The following CAPN13 variants were observed in gnomAD, a reference collection of about 807,000 sequenced individuals.
CAPN13 encodes calpain 13, also known as calpain-13.
A neutral mutation model predicts 98.4 loss-of-function variants in CAPN13; 90 were observed. The observed-to-expected ratio is 0.92, with a 90% CI of 0.77 to 1.09. CAPN13 has a LOEUF of 1.09. CAPN13 is among the 50% of genes least tolerant of loss of function. The probability of loss-of-function intolerance (pLI) is 0.00; values close to 1 mark genes in which losing one functional copy is unlikely to be tolerated. For missense variants in CAPN13, 887 were observed against 841.3 expected, an observed-to-expected ratio of 1.05 and a Z score of -0.67; for synonymous variants, 330 against 305.5, an observed-to-expected ratio of 1.08 and a Z score of -0.84.
intron 2 of CAPN13, among the ~76,000 whole-genome samples, chr2:30,784,625 G>A (rs17010273): frequency 0.099 from 15,011 of 152,180 alleles, 2,268 homozygotes; most frequent in African/African-American, 0.33. Context: ...TGACAGGCAG[G>A]AGCCCAGAAT....
chr2:30,785,334 A>C (rs2148069508), intron 2 of CAPN13, among the ~76,000 whole-genome samples: 1 of 152,334 alleles, frequency 6.6e-6, no homozygotes, highest in South Asian at 2.1e-4. Flanking sequence ...AAAGCAGATA[A>C]AGTATGAGAA....
chr2:30,722,957 C>G lies in CAPN13; in HGVS notation c.*310G>C, dbSNP rs1178813885. 3 of 152,270 alleles carry G rather than the reference C, an allele frequency of 2.0e-5. No individual in the cohort carries two copies. The highest frequency in any genetic ancestry group is 4.4e-5 in the Non-Finnish European group (3 of 68,076). 9.4% of individuals were successfully genotyped at this position (152,270 alleles called of 1,614,324 possible). A position where few individuals can be genotyped will look rare whatever the true frequency, so the allele number is the denominator to read the frequency against. ...TGAATCCAACTGGTGACAGGGGACT[C>G]AGAGACAACTTCTCTTCTCCTTTCC... On this transcript the variant is annotated 3_prime_UTR_variant, in exon 23 of 23. Coordinates refer to ENST00000295055, the MANE Select transcript of CAPN13 (RefSeq NM_144575.3).
intron 2 of CAPN13, among the ~76,000 whole-genome samples, chr2:30,786,324 G>C (rs13012905): frequency 3.8e-3 from 574 of 152,306 alleles, no homozygotes; most frequent in Non-Finnish European, 5.9e-3. Context: ...ACAGAAGTGT[G>C]AATAGAGGTT....
intron 6 of CAPN13, among the ~76,000 whole-genome samples, chr2:30,763,875 C>T (rs912816886): frequency 2.6e-5 from 4 of 152,234 alleles, no homozygotes; most frequent in African/African-American, 9.6e-5. Flanking sequence ...TGTCGAGCCA[C>T]TTATGAGCTG....
chr2:30,781,272 G>C (rs1249005956), intron 2 of CAPN13, among the ~76,000 whole-genome samples: 1 of 152,226 alleles, frequency 6.6e-6, no homozygotes. Context: ...GACCACACCA[G>C]CAGGCAGCAT....
At chr2:30,763,212 T>C (rs1046476775) in intron 6 of CAPN13, 56 bp from the exon 7 acceptor site, 3 of 1,508,010 alleles carry the variant, frequency 2.0e-6, no homozygotes, top group African/African-American at 1.4e-5. Context: ...TTCAAAGAAA[T>C]AGAAAAACAC....
At chr2:30,729,227 G>A (rs986535568) in intron 22 of CAPN13, among the ~76,000 whole-genome samples, 1 of 152,204 alleles carries the variant, frequency 6.6e-6, no homozygotes, top group African/African-American at 2.4e-5. Flanking sequence ...GTGAGTGGAA[G>A]TGCTTTAATG....
At chr2:30,748,103 AT>A (rs1246575791) in intron 11 of CAPN13, among the ~76,000 whole-genome samples, 2 of 152,168 alleles carry the variant, frequency 1.3e-5, no homozygotes, top group African/African-American at 4.8e-5. Flanking sequence ...GGCAGCTCTG[AT>A]CCTTCTGTGG....
chr2:30,739,728 C>T (rs1671557396), intron 15 of CAPN13, among the ~76,000 whole-genome samples: 1 of 152,160 alleles, frequency 6.6e-6, no homozygotes, highest in Non-Finnish European at 1.5e-5. Flanking sequence ...TCCATATTCC[C>T]ATGTGAGGAC....
At chr2:30,738,661 C>T (rs912729585) in intron 15 of CAPN13, among the ~76,000 whole-genome samples, 9 of 152,184 alleles carry the variant, frequency 5.9e-5, no homozygotes, top group African/African-American at 2.2e-4. Flanking sequence ...GTTGGTCACT[C>T]CTGATGCTTG....
chr2:30,726,466 T>C (rs954805722), intron 22 of CAPN13, among the ~76,000 whole-genome samples: 1 of 152,204 alleles, frequency 6.6e-6, no homozygotes, highest in Admixed American at 6.5e-5. Context: ...TACATGACTT[T>C]TGAATATATA....
intron 22 of CAPN13, among the ~76,000 whole-genome samples, chr2:30,729,292 CTGA>C (rs1670975483): frequency 6.6e-6 from 1 of 152,160 alleles, no homozygotes; most frequent in African/African-American, 2.4e-5. Flanking sequence ...GCTCCTGTGG[CTGA>C]TGATAGGCAT....
intron 15 of CAPN13, chr2:30,741,354 TTTC>T: frequency 1.0e-6 from 1 of 982,736 alleles, no homozygotes; most frequent in Non-Finnish European, 1.2e-6. Flanking sequence ...CACTTTCCAC[TTTC>T]CACACTAACA....
chr2:30,793,131 C>T (rs1239309268), intron 1 of CAPN13, among the ~76,000 whole-genome samples: 1 of 151,656 alleles, frequency 6.6e-6, no homozygotes, highest in Non-Finnish European at 1.5e-5. Context: ...TTCTATTTAC[C>T]ACTGTTGTGA....
At chr2:30,805,275 G>A (rs1212131148) in intron 1 of CAPN13, among the ~76,000 whole-genome samples, 1 of 152,156 alleles carries the variant, frequency 6.6e-6, no homozygotes, top group Non-Finnish European at 1.5e-5. Context: ...CATCTGCAAC[G>A]CCAGTCCAGA....
rs150868423 is a variant in CAPN13 at position 30,777,571 on chromosome 2, G to A, written c.267C>T (p.Gly89=). 1,157 of 1,574,380 alleles carry A rather than the reference G, an allele frequency of 7.3e-4. 8 individuals carry two copies. The African/African-American group carries it at 0.013, about 18-fold the overall frequency. The change falls in exon 3 of 23, where the codon GGC becomes GGT. Residue 89 remains glycine, a synonymous_variant. Coordinates refer to ENST00000295055, the MANE Select transcript of CAPN13 (RefSeq NM_144575.3). The part of the protein sequence containing the change: ...DISRFDIQQG[G]AADCWFLAAL... ...GGGAAGATGTTGCACTCTTACCTGC[G>A]CCTCCTTGTTGGATGTCAAATCTGC...
At chr2:30,748,064 C>G (rs1367954925) in intron 11 of CAPN13, among the ~76,000 whole-genome samples, 1 of 152,250 alleles carries the variant, frequency 6.6e-6, no homozygotes, top group Non-Finnish European at 1.5e-5. Flanking sequence ...CCCATGTGAA[C>G]AGAGCCTCAG....
rs1338138106 is a variant in CAPN13 at position 30,787,243 on chromosome 2, C to A, written c.83G>T (p.Cys28Phe). ...DQDFTTLRDHCLSMGRTFKDE... is the reference protein window; with the variant it reads ...DQDFTTLRDHFLSMGRTFKDE... ...CTTAAACGTCCGGCCCATGCTCAGG[C>A]AGTGATCCCGCAAGGTGGTAAAGTC... Residue 28 changes from cysteine (C) to phenylalanine (F), a missense_variant, in exon 2 of 23, where the codon TGC (cysteine) becomes TTC (phenylalanine). Transcript: ENST00000295055. The A allele has an allele frequency of 5.0e-6, 8 of 1,612,870 alleles. No individual in the cohort carries two copies. The highest frequency in any genetic ancestry group is 6.8e-6 in the Non-Finnish European group (8 of 1,179,562).
At chr2:30,797,558 G>A (rs1392071562) in intron 1 of CAPN13, among the ~76,000 whole-genome samples, 1 of 151,866 alleles carries the variant, frequency 6.6e-6, no homozygotes, top group Non-Finnish European at 1.5e-5. Flanking sequence ...GAAGATTCTT[G>A]TAAAGGGCTT....
Sources: allele counts gnomAD v4.1 joint callset (sites outside exome capture counted in the v4.1 genomes callset), GRCh38; gene constraint gnomAD v4.1.1; transcripts MANE v1.5; gene names NCBI Gene and HGNC (gene_info 2026-07-23, HGNC 2026-07-21).